The following IGF1R variants were observed in gnomAD, a reference collection of about 807,000 sequenced individuals.
IGF1R encodes the protein insulin like growth factor 1 receptor.
In IGF1R, 44 loss-of-function variants were observed where a neutral mutation model predicts 144.6. The observed-to-expected ratio is 0.30, with a 90% confidence interval of 0.24 to 0.39. The LOEUF is 0.39. IGF1R is among the 10% of genes least tolerant of loss of function. The pLI is 1.00. For missense variants in IGF1R, 1,355 were observed against 1,833.7 expected (o/e 0.74, Z 4.77); for synonymous variants, 795 against 722.8 (o/e 1.10, Z -1.60).
At chr15:98,674,778 TTG>T (rs1458799628) in intron 1 of IGF1R, among the ~76,000 whole-genome samples, 1 of 152,096 alleles carries the variant, frequency 6.6e-6, no homozygotes. Flanking sequence ...TAATATTTTG[TTG>T]TGTTTTCCTG....
At chr15:98,698,360 G>C (rs1341034451) in intron 1 of IGF1R, among the ~76,000 whole-genome samples, 2 of 152,172 alleles carry the variant, frequency 1.3e-5, no homozygotes, top group African/African-American at 4.8e-5. Context: ...ACATTTTAAA[G>C]TGTTCAGTTT....
At chr15:98,748,573 A>G (rs1044712191) in intron 2 of IGF1R, among the ~76,000 whole-genome samples, 1 of 152,234 alleles carries the variant, frequency 6.6e-6, no homozygotes, top group African/African-American at 2.4e-5. Context: ...GTCATTTTCT[A>G]TTGACTTGCA....
chr15:98,750,201 G>A lies in IGF1R; in HGVS notation c.640+42094G>A, dbSNP rs183200182. On this transcript the variant is annotated intron_variant, in intron 2 of 20. Coordinates refer to ENST00000650285, the MANE Select transcript of IGF1R (RefSeq NM_000875.5). ...GGCAGGACTGAAAGAGCTGAGAAAGGCCTCACATCAGGTGACACTGGGGCA... is the reference window on the plus strand; with the variant it reads ...GGCAGGACTGAAAGAGCTGAGAAAGACCTCACATCAGGTGACACTGGGGCA... Among the ~76,000 whole-genome samples the A allele has an allele frequency of 1.4e-3, 213 of 152,296 alleles. 1 individual carries two copies. The highest frequency in any genetic ancestry group is 6.6e-3 in the East Asian group (34 of 5,172).
chr15:98,928,051 T>G lies in IGF1R; in HGVS notation c.2783-1507T>G, dbSNP rs531507474. ...CAAGCCAGGAACCTCACAGCATCCT[T>G]CACTCTTCTTTCTGTTCAGCCACCC... On this transcript the variant is annotated intron_variant, in intron 13 of 20. Transcript: ENST00000650285. 9.5e-4 allele frequency among the ~76,000 whole-genome samples: 145 copies of G among 152,298 alleles called. 1 individual carries two copies. The highest frequency in any genetic ancestry group is 3.4e-3 in the African/African-American group (141 of 41,558).
At chr15:98,933,005 C>G (rs1289010967) in intron 15 of IGF1R, among the ~76,000 whole-genome samples, 2 of 152,180 alleles carry the variant, frequency 1.3e-5, no homozygotes, top group African/African-American at 4.8e-5. Context: ...CTCTCACATC[C>G]AGCCACAGGC....
chr15:98,956,171 C>T (rs755351188), intron 20 of IGF1R, among the ~76,000 whole-genome samples: 3 of 152,254 alleles, frequency 2.0e-5, no homozygotes, highest in South Asian at 2.1e-4. Context: ...TGGGGAGCCC[C>T]GGCCACAGCC....
At chr15:98,855,606 A>G (rs971345548) in intron 2 of IGF1R, among the ~76,000 whole-genome samples, 1 of 152,206 alleles carries the variant, frequency 6.6e-6, no homozygotes, top group Non-Finnish European at 1.5e-5. Flanking sequence ...CCGCTTGGCA[A>G]GCCCTTGACA....
At chr15:98,686,329 C>T (rs144273821) in intron 1 of IGF1R, among the ~76,000 whole-genome samples, 2,097 of 152,338 alleles carry the variant, frequency 0.014, 28 homozygotes, top group Non-Finnish European at 0.02. Context: ...TGTCGATGGA[C>T]ACTTGAGTTG....
intron 7 of IGF1R, 38 bp from the exon 8 acceptor site, chr15:98,913,006 A>C: frequency 6.8e-7 from 1 of 1,469,262 alleles, no homozygotes; most frequent in Non-Finnish European, 9.5e-7. Flanking sequence ...TTTTGATGTC[A>C]GAGCCCCGAA....
intron 19 of IGF1R, among the ~76,000 whole-genome samples, chr15:98,946,180 G>A (rs2016545858): frequency 6.9e-6 from 1 of 145,050 alleles, no homozygotes; most frequent in African/African-American, 2.5e-5. Context: ...GTCACAAAAA[G>A]AGCACTAGGA....
At chr15:98,821,674 T>C (rs944960710) in intron 2 of IGF1R, among the ~76,000 whole-genome samples, 2 of 152,182 alleles carry the variant, frequency 1.3e-5, no homozygotes, top group African/African-American at 4.8e-5. Context: ...TTACCTTGAT[T>C]AGTGATGAGA....
At chr15:98,790,764 A>G (rs2056110362) in intron 2 of IGF1R, among the ~76,000 whole-genome samples, 1 of 152,240 alleles carries the variant, frequency 6.6e-6, no homozygotes, top group African/African-American at 2.4e-5. Flanking sequence ...GTCTTACAAA[A>G]TTTAGTTTTC....
chr15:98,717,082 C>T (rs564028649), intron 2 of IGF1R, among the ~76,000 whole-genome samples: 1 of 152,296 alleles, frequency 6.6e-6, no homozygotes, highest in South Asian at 2.1e-4. Flanking sequence ...TGCAAGAATA[C>T]ATCATTTTGT....
intron 10 of IGF1R, among the ~76,000 whole-genome samples, chr15:98,921,846 CAGCCAGGACTGCCTGGCCAAG>C (rs964442437): frequency 1.3e-5 from 2 of 152,146 alleles, no homozygotes; most frequent in African/African-American, 4.8e-5. Flanking sequence ...TCTGATGACA[CAGCCAGGACTGCCTGGCCAAG>C]AGTGGCAGAG....
At chr15:98,884,777 G>T (rs1463321706) in intron 2 of IGF1R, among the ~76,000 whole-genome samples, 1 of 151,244 alleles carries the variant, frequency 6.6e-6, no homozygotes, top group East Asian at 1.9e-4. Context: ...CTGCACTGCT[G>T]TCCTCTTGAT....
chr15:98,792,071 A>G lies in IGF1R; in HGVS notation c.640+83964A>G, dbSNP rs149437410. Among the ~76,000 whole-genome samples the G allele has an allele frequency of 3.6e-3, 543 of 152,246 alleles. 5 individuals are homozygous for G. Among genetic ancestry groups the G allele is most frequent in the African/African-American group, 0.012 (513 of 41,530 alleles). Reference sequence around the variant, plus strand: ...AGAGAAAAATCTTTTTTCCTTCCCTATTACCCTATAAGGTCCCCAAATTCA... The same window carrying G: ...AGAGAAAAATCTTTTTTCCTTCCCTGTTACCCTATAAGGTCCCCAAATTCA... On this transcript the variant is annotated intron_variant, in intron 2 of 20. Coordinates refer to ENST00000650285, the MANE Select transcript of IGF1R (RefSeq NM_000875.5).
chr15:98,824,097 G>T (rs902572247), intron 2 of IGF1R: 10 of 152,184 alleles, frequency 6.6e-5, no homozygotes, highest in African/African-American at 2.2e-4. Context: ...TAACATGGAA[G>T]TATTGTCATT....
chr15:98,839,768 C>T (rs554839424), intron 2 of IGF1R, among the ~76,000 whole-genome samples: 1 of 152,180 alleles, frequency 6.6e-6, no homozygotes, highest in Admixed American at 6.5e-5. Flanking sequence ...GCTGCTTCCT[C>T]TACATGGTAG....
chr15:98,902,285 A>G (rs571022869), intron 5 of IGF1R, among the ~76,000 whole-genome samples: 197 of 151,368 alleles, frequency 1.3e-3, no homozygotes, highest in Non-Finnish European at 2.1e-3. Flanking sequence ...TTATCCCTTC[A>G]TTTCTTCCCA....
Sources: allele counts gnomAD v4.1 joint callset (sites outside exome capture counted in the v4.1 genomes callset), GRCh38; gene constraint gnomAD v4.1.1; transcripts MANE v1.5; gene names NCBI Gene and HGNC (gene_info 2026-07-23, HGNC 2026-07-21).